Variants in SUMF1 observed in about 807,000 individuals in gnomAD.
SUMF1 encodes the protein sulfatase modifying factor 1, also known as formylglycine-generating enzyme.
SUMF1 carries 48 observed loss-of-function variants against 47.6 expected under a neutral mutation model. That is an observed-to-expected ratio of 1.01 (90% CI 0.80 to 1.28). The LOEUF is 1.28. SUMF1 is among the 50% of genes most tolerant of loss of function. The pLI is 0.00. For missense variants in SUMF1, 571 were observed against 485.4 expected (o/e 1.18, Z -1.66); for synonymous variants, 230 against 192.1 (o/e 1.20, Z -1.63).
intron 8 of SUMF1, among the ~76,000 whole-genome samples, chr3:4,085,744 T>C (rs1692657782): frequency 6.6e-6 from 1 of 152,166 alleles, no homozygotes; most frequent in Non-Finnish European, 1.5e-5. Flanking sequence ...CCTTCTCTTT[T>C]ACCTAAAGAA....
At position 4,130,269 on chromosome 3, in the gene SUMF1, T is replaced by A. The variant is rs1223537112; in HGVS notation, c.1015-61524A>T. Among the ~76,000 whole-genome samples, 2 of 152,146 alleles carry A rather than the reference T, an allele frequency of 1.3e-5. 1 individual carries two copies. The highest frequency in any genetic ancestry group is 4.2e-4 in the South Asian group (2 of 4,814). ...TTCATTGCTTGAGCAAATTAACACA[T>A]CTCCTGGTACCTGGTATGCAGCCAT... On this transcript the variant is annotated intron_variant and NMD_transcript_variant, in intron 8 of 12. Transcript: ENST00000448413.
At chr3:4,303,641 C>G in intron 8 of SUMF1, 1 of 1,425,240 alleles carries the variant, frequency 7.0e-7, no homozygotes, top group Non-Finnish European at 9.2e-7. Flanking sequence ...TCTCTTACAG[C>G]GCACCCGTTG....
At chr3:4,099,527 T>A (rs1056271055) in intron 8 of SUMF1, among the ~76,000 whole-genome samples, 2 of 152,052 alleles carry the variant, frequency 1.3e-5, no homozygotes, top group African/African-American at 2.4e-5. Context: ...AAAAGTCAAA[T>A]GCTTTCCATC....
chr3:4,170,308 A>C (rs1400647828), intron 8 of SUMF1, among the ~76,000 whole-genome samples: 3 of 152,224 alleles, frequency 2.0e-5, no homozygotes, highest in Non-Finnish European at 4.4e-5. Flanking sequence ...GGGTACCAGA[A>C]TCACCTGGAG....
intron 9 of SUMF1, among the ~76,000 whole-genome samples, chr3:4,062,110 C>T (rs1472587165): frequency 2.0e-5 from 3 of 152,132 alleles, no homozygotes; most frequent in Admixed American, 6.5e-5. Flanking sequence ...TCAGTCATGC[C>T]CTAAGCTCCT....
chr3:4,101,194 A>G (rs1014392543), intron 8 of SUMF1, among the ~76,000 whole-genome samples: 1 of 152,134 alleles, frequency 6.6e-6, no homozygotes, highest in Non-Finnish European at 1.5e-5. Context: ...CTACATTTTC[A>G]TGTTCATTGA....
intron 8 of SUMF1, among the ~76,000 whole-genome samples, chr3:4,105,780 T>C (rs1693144512): frequency 1.3e-5 from 2 of 152,100 alleles, no homozygotes; most frequent in East Asian, 1.9e-4. Context: ...GAAATCTATA[T>C]CATAAATTGA....
At chr3:4,273,645 T>C (rs1411395117) in intron 8 of SUMF1, among the ~76,000 whole-genome samples, 2 of 146,680 alleles carry the variant, frequency 1.4e-5, no homozygotes, top group East Asian at 2.0e-4. Flanking sequence ...TGAGTAAATT[T>C]TACATTAAGT....
At chr3:4,193,803 C>T (rs1475514139) in intron 8 of SUMF1, among the ~76,000 whole-genome samples, 2 of 152,020 alleles carry the variant, frequency 1.3e-5, no homozygotes, top group East Asian at 3.9e-4. Flanking sequence ...AAGTCTTAAC[C>T]TCTCTGAGCT....
At chr3:4,211,269 C>T (rs577175477) in intron 8 of SUMF1, among the ~76,000 whole-genome samples, 125 of 131,558 alleles carry the variant, frequency 9.5e-4, no homozygotes, top group Middle Eastern at 4.6e-3. Flanking sequence ...ACTAATATAC[C>T]CAGGTACTAA....
intron 8 of SUMF1, 24 bp from the exon 9 acceptor site, chr3:4,362,278 T>C (rs765701873): frequency 3.1e-6 from 5 of 1,598,014 alleles, no homozygotes; most frequent in Non-Finnish European, 4.3e-6. Flanking sequence ...AAGAGCAAGG[T>C]AAGTGCTACT....
chr3:4,099,130 T>G (rs540965172), intron 8 of SUMF1, among the ~76,000 whole-genome samples: 1 of 152,174 alleles, frequency 6.6e-6, no homozygotes, highest in East Asian at 1.9e-4. Context: ...GTGGCTTGGG[T>G]ATAATCTGCT....
At chr3:4,217,512 TTTTATATA>T (rs139869223) in intron 8 of SUMF1, among the ~76,000 whole-genome samples, 3,175 of 47,510 alleles carry the variant, frequency 0.067, 928 homozygotes, top group African/African-American at 0.34. Context: ...TTAAAGTATT[TTTTATATA>T]TATATATATA....
intron 8 of SUMF1, among the ~76,000 whole-genome samples, chr3:4,132,819 G>C (rs760296695): frequency 6.6e-6 from 1 of 152,088 alleles, no homozygotes; most frequent in Non-Finnish European, 1.5e-5. Flanking sequence ...ACTCCACAAC[G>C]GAGGTAAGGA....
chr3:4,290,227 A>G (rs1007798764), intron 8 of SUMF1, among the ~76,000 whole-genome samples: 21 of 152,232 alleles, frequency 1.4e-4, no homozygotes, highest in Admixed American at 3.9e-4. Context: ...CAGTCATTTT[A>G]CAACTGCCTA....
At chr3:4,223,020 C>T in intron 8 of SUMF1, among the ~76,000 whole-genome samples, 1 of 152,046 alleles carries the variant, frequency 6.6e-6, no homozygotes, top group South Asian at 2.1e-4. Context: ...AAAGGGGAAA[C>T]TTCCACGTTT....
At chr3:4,309,027 C>A (rs971315719) in intron 8 of SUMF1, among the ~76,000 whole-genome samples, 3 of 152,214 alleles carry the variant, frequency 2.0e-5, no homozygotes, top group South Asian at 4.2e-4. Flanking sequence ...TTGGTTCAGT[C>A]CAGAAAGACA....
intron 8 of SUMF1, among the ~76,000 whole-genome samples, chr3:4,256,869 C>T (rs1344342916): frequency 3.0e-4 from 39 of 130,982 alleles, no homozygotes; most frequent in Non-Finnish European, 5.5e-4. Context: ...CAATAAAATA[C>T]TGGCAAACCG....
At chr3:4,417,890 A>G in intron 5 of SUMF1, 120 bp downstream of exon 5, 1 of 1,554,674 alleles carries the variant, frequency 6.4e-7, no homozygotes, top group Non-Finnish European at 8.8e-7. Context: ...GAAAAATAAG[A>G]AAAAGAATTA....
Sources: gnomAD v4.1 joint callset for allele counts (sites outside exome capture counted in the v4.1 genomes callset) on GRCh38, gnomAD v4.1.1 for gene constraint, MANE v1.5 for transcripts, NCBI Gene and HGNC (gene_info 2026-07-23, HGNC 2026-07-21) for gene names.